NCOA7: variants seen among roughly 807,000 people sequenced by gnomAD.
NCOA7 encodes nuclear receptor coactivator 7, also known as 140 kDa estrogen receptor-associated protein.
In NCOA7, 45 loss-of-function variants were observed where a neutral mutation model predicts 104.3. The ratio of observed to expected loss-of-function variants is 0.43; its 90% CI spans 0.34 to 0.55. NCOA7 has a LOEUF of 0.55. Among genes scored for constraint, NCOA7 ranks in the 20% least tolerant of loss-of-function variants. NCOA7 has a pLI of 0.02. For missense variants in NCOA7, 1,041 were observed against 1,119.7 expected, an observed-to-expected ratio of 0.93 and a Z score of 1.00; for synonymous variants, 398 against 402.3, an observed-to-expected ratio of 0.99 and a Z score of 0.13.
chr6:125,852,960 G>A (rs892057522), intron 2 of NCOA7, among the ~76,000 whole-genome samples: 2 of 152,100 alleles, frequency 1.3e-5, no homozygotes, highest in African/African-American at 4.8e-5. Context: ...CTAATTCTGT[G>A]AAAAATGATG....
intron 13 of NCOA7, among the ~76,000 whole-genome samples, chr6:125,924,968 T>C (rs1249674447): frequency 6.6e-6 from 1 of 152,124 alleles, no homozygotes; most frequent in African/African-American, 2.4e-5. Context: ...GGGGCTTTCT[T>C]CTTCTACCCA....
At chr6:125,901,474 C>A (rs1785493955) in intron 10 of NCOA7, among the ~76,000 whole-genome samples, 1 of 152,170 alleles carries the variant, frequency 6.6e-6, no homozygotes, top group African/African-American at 2.4e-5. Flanking sequence ...GGGATATCAC[C>A]TTTACTCAGC....
intron 2 of NCOA7, among the ~76,000 whole-genome samples, chr6:125,831,836 C>A (rs1779211292): frequency 6.6e-6 from 1 of 152,142 alleles, no homozygotes; most frequent in African/African-American, 2.4e-5. Flanking sequence ...ACTTTCTATG[C>A]CTGTTCCTAT....
intron 3 of NCOA7, 67 bp downstream of exon 3, chr6:125,855,307 T>G (rs1323597171): frequency 1.6e-6 from 2 of 1,231,222 alleles, no homozygotes; most frequent in Non-Finnish European, 2.3e-6. Context: ...TAAAAGACTA[T>G]CATTTGTGAT....
At position 125,864,968 on chromosome 6, in the gene NCOA7, T is replaced by C. The variant is rs774679846; in HGVS notation, c.271+9728T>C. Among the ~76,000 whole-genome samples, 2 of 137,260 alleles carry C rather than the reference T, an allele frequency of 1.5e-5. 1 individual carries two copies. Among genetic ancestry groups the C allele is most frequent in the Non-Finnish European group, 3.1e-5 (2 of 64,684 alleles). 90.0% of individuals were successfully genotyped at this position (137,260 alleles called of 152,430 possible). Reference sequence around the variant, plus strand: ...GTTTTCAATAAAGTATTTTGGAGGGTGGGAAAGAGGGTAAGAAGAGGAGGA... The same window carrying C: ...GTTTTCAATAAAGTATTTTGGAGGGCGGGAAAGAGGGTAAGAAGAGGAGGA... On this transcript the variant is annotated intron_variant, in intron 3 of 15. Coordinates refer to ENST00000392477, the MANE Select transcript of NCOA7 (RefSeq NM_181782.5).
At chr6:125,894,326 C>T (rs1304322203) in intron 10 of NCOA7, among the ~76,000 whole-genome samples, 2 of 152,024 alleles carry the variant, frequency 1.3e-5, no homozygotes, top group African/African-American at 2.4e-5. Context: ...AACCACTGGT[C>T]GCGTACTAGA....
At chr6:125,854,930 G>C in intron 2 of NCOA7, 90 bp from the exon 3 acceptor site, 1 of 822,154 alleles carries the variant, frequency 1.2e-6, no homozygotes, top group Non-Finnish European at 1.9e-6. Flanking sequence ...CAGTTCATTA[G>C]TTTTCAAAGT....
intron 1 of NCOA7, among the ~76,000 whole-genome samples, chr6:125,784,654 G>A (rs113988475): frequency 6.6e-6 from 1 of 152,296 alleles, no homozygotes; most frequent in African/African-American, 2.4e-5. Context: ...CCTTCAATGG[G>A]TGAATGGTTA....
At chr6:125,909,644 A>G (rs543119781) in intron 10 of NCOA7, among the ~76,000 whole-genome samples, 1 of 152,254 alleles carries the variant, frequency 6.6e-6, no homozygotes, top group East Asian at 1.9e-4. Context: ...CCCCGTCTCT[A>G]CTAAAAAATA....
At chr6:125,851,042 G>C (rs1781077901) in intron 2 of NCOA7, among the ~76,000 whole-genome samples, 1 of 152,170 alleles carries the variant, frequency 6.6e-6, no homozygotes, top group Non-Finnish European at 1.5e-5. Context: ...AAAATAATAT[G>C]TTTAATGAAA....
At chr6:125,902,048 A>T (rs1472770970) in intron 10 of NCOA7, among the ~76,000 whole-genome samples, 1 of 151,980 alleles carries the variant, frequency 6.6e-6, no homozygotes. Context: ...CTTCTCTGCC[A>T]GTGGAGCTTG....
At chr6:125,896,957 T>C (rs1270916459) in intron 10 of NCOA7, among the ~76,000 whole-genome samples, 1 of 152,258 alleles carries the variant, frequency 6.6e-6, no homozygotes, top group African/African-American at 2.4e-5. Context: ...TGCACACGTA[T>C]TTAGGATAAA....
intron 10 of NCOA7, among the ~76,000 whole-genome samples, chr6:125,894,562 A>G (rs924866110): frequency 6.6e-6 from 1 of 152,188 alleles, no homozygotes; most frequent in Non-Finnish European, 1.5e-5. Context: ...AAATAGATCA[A>G]TAAGGACAAC....
chr6:125,834,552 G>A (rs1779455562), intron 2 of NCOA7, among the ~76,000 whole-genome samples: 1 of 152,214 alleles, frequency 6.6e-6, no homozygotes, highest in African/African-American at 2.4e-5. Flanking sequence ...GCAAGCCACA[G>A]ACAGAGGTTT....
intron 10 of NCOA7, among the ~76,000 whole-genome samples, chr6:125,913,353 C>T (rs1333449228): frequency 6.6e-6 from 1 of 152,140 alleles, no homozygotes; most frequent in Non-Finnish European, 1.5e-5. Context: ...TCTCTTAAGG[C>T]CTTCACCTGA....
At chr6:125,859,659 A>G (rs1275609613) in intron 3 of NCOA7, among the ~76,000 whole-genome samples, 1 of 152,248 alleles carries the variant, frequency 6.6e-6, no homozygotes, top group East Asian at 1.9e-4. Context: ...GCAAAAATCA[A>G]AAGCATTAGA....
chr6:125,896,331 T>A (rs769185083), intron 10 of NCOA7, among the ~76,000 whole-genome samples: 6 of 151,976 alleles, frequency 3.9e-5, no homozygotes, highest in African/African-American at 7.2e-5. Context: ...GAACACTGAG[T>A]GTTATGATTC....
chr6:125,891,603 C>A (rs1784628541), intron 10 of NCOA7, among the ~76,000 whole-genome samples: 1 of 152,200 alleles, frequency 6.6e-6, no homozygotes, highest in South Asian at 2.1e-4. Flanking sequence ...GGCTAACACA[C>A]CTGCCAAGAG....
At position 125,889,181 on chromosome 6, in the gene NCOA7, C is replaced by T. The variant is rs1188180968; in HGVS notation, c.1127C>T (p.Ser376Phe). ...SVSEKLKKLD[S>F]SRETSHGSPT... Reference sequence around the variant, plus strand: ...TCAGAGAAATTAAAGAAACTGGACTCCTCTAGGGAGACATCCCATGGTTCT... The same window carrying T: ...TCAGAGAAATTAAAGAAACTGGACTTCTCTAGGGAGACATCCCATGGTTCT... Residue 376 changes from serine to phenylalanine, a missense_variant, in exon 9 of 16, where the codon TCC (serine) becomes TTC (phenylalanine). Transcript: ENST00000392477. 1.9e-6 allele frequency: 3 copies of T among 1,613,938 alleles called. No homozygotes were observed. The highest frequency in any genetic ancestry group is 1.7e-5 in the Admixed American group (1 of 59,986).
Sources: allele counts gnomAD v4.1 joint callset (sites outside exome capture counted in the v4.1 genomes callset), GRCh38; gene constraint gnomAD v4.1.1; transcripts MANE v1.5; gene names NCBI Gene and HGNC (gene_info 2026-07-23, HGNC 2026-07-21).